NAV2: variants seen among roughly 807,000 people sequenced by gnomAD.
NAV2 encodes the protein neuron navigator 2.
A neutral mutation model predicts 223.2 loss-of-function variants in NAV2; 54 were observed. The observed-to-expected ratio is 0.24, with a 90% CI of 0.19 to 0.30. The LOEUF is 0.30. Among genes scored for constraint, NAV2 ranks in the 10% least tolerant of loss-of-function variants. The pLI is 1.00. For missense variants in NAV2, 2,806 were observed against 3,147.5 expected, an observed-to-expected ratio of 0.89 and a Z score of 2.60; for synonymous variants, 1,279 against 1,239.3, an observed-to-expected ratio of 1.03 and a Z score of -0.67.
intron 7 of NAV2, 63 bp from the exon 8 acceptor site, chr11:19,939,598 A>C: frequency 7.6e-7 from 1 of 1,312,650 alleles, no homozygotes; most frequent in Admixed American, 1.7e-5. Flanking sequence ...GTTAGACCAC[A>C]GTGGTCCAGA....
At chr11:19,474,666 G>A (rs550882452) in intron 1 of NAV2, among the ~76,000 whole-genome samples, 1 of 152,134 alleles carries the variant, frequency 6.6e-6, no homozygotes, top group East Asian at 1.9e-4. Context: ...ATATATTCAT[G>A]GATTATTTGC....
At chr11:19,396,774 G>A (rs1022086238) in intron 1 of NAV2, among the ~76,000 whole-genome samples, 3 of 152,192 alleles carry the variant, frequency 2.0e-5, no homozygotes, top group Non-Finnish European at 4.4e-5. Context: ...AGTGGATACT[G>A]TGGAATTTGA....
At chr11:19,744,219 T>A (rs977552494) in intron 1 of NAV2, among the ~76,000 whole-genome samples, 1 of 152,072 alleles carries the variant, frequency 6.6e-6, no homozygotes, top group Admixed American at 6.6e-5. Flanking sequence ...AGTTTAAGAG[T>A]GAAAGACTTT....
intron 1 of NAV2, among the ~76,000 whole-genome samples, chr11:19,532,875 C>A (rs779571510): frequency 2.7e-4 from 41 of 152,124 alleles, no homozygotes; most frequent in Non-Finnish European, 3.7e-4. Flanking sequence ...AGTGTTCCTG[C>A]AAAAAGGTCA....
chr11:19,773,551 T>G (rs2055888055), intron 1 of NAV2, among the ~76,000 whole-genome samples: 1 of 152,138 alleles, frequency 6.6e-6, no homozygotes, highest in Non-Finnish European at 1.5e-5. Context: ...CATTGTTCCA[T>G]GTGGTCAACA....
At position 20,048,794 on chromosome 11, in the gene NAV2, G is replaced by T. The variant is rs1235021385; in HGVS notation, c.3969G>T (p.Val1323=). Residue 1323 remains valine (V), a synonymous_variant, in exon 15 of 38, where the codon GTG becomes GTT. Coordinates refer to ENST00000349880, the MANE Select transcript of NAV2 (RefSeq NM_145117.5). ...IATAENMKNS[V]VISNPHATMT... ...CAGCTGAAAACATGAAAAATTCGGTGGTCATCTCCAATCCTCATGCCACCA... is the reference window on the plus strand; with the variant it reads ...CAGCTGAAAACATGAAAAATTCGGTTGTCATCTCCAATCCTCATGCCACCA... The T allele has an allele frequency of 2.4e-5, 38 of 1,614,062 alleles. No individual in the cohort carries two copies. Among genetic ancestry groups the T allele is most frequent in the Non-Finnish European group, 3.1e-5 (36 of 1,180,002 alleles).
At chr11:19,953,698 ACTG>A (rs1235296999) in intron 10 of NAV2, among the ~76,000 whole-genome samples, 1 of 152,222 alleles carries the variant, frequency 6.6e-6, no homozygotes, top group Admixed American at 6.5e-5. Flanking sequence ...ACTGGATGGT[ACTG>A]AGGAAAGAGT....
intron 1 of NAV2, among the ~76,000 whole-genome samples, chr11:19,643,097 T>C (rs944320499): frequency 3.3e-5 from 5 of 152,200 alleles, no homozygotes; most frequent in African/African-American, 1.2e-4. Context: ...ACTATGGTTT[T>C]GAGGTGTTGA....
chr11:19,521,198 G>T (rs1054834285), intron 1 of NAV2, among the ~76,000 whole-genome samples: 2 of 152,150 alleles, frequency 1.3e-5, no homozygotes, highest in African/African-American at 2.4e-5. Flanking sequence ...GGTGGCCAGT[G>T]GTTGCCACTG....
chr11:19,596,044 T>A (rs945254377), intron 1 of NAV2, among the ~76,000 whole-genome samples: 6 of 152,242 alleles, frequency 3.9e-5, no homozygotes, highest in Admixed American at 6.5e-5. Flanking sequence ...CACGTTATTT[T>A]AAAAATGGTA....
At chr11:19,741,484 T>G (rs958442672) in intron 1 of NAV2, among the ~76,000 whole-genome samples, 4 of 105,634 alleles carry the variant, frequency 3.8e-5, no homozygotes, top group East Asian at 2.5e-4. Context: ...AGCCTGGCTT[T>G]CTTTCTTTCT....
At chr11:19,393,909 T>TTTC (rs1281530031) in intron 1 of NAV2, among the ~76,000 whole-genome samples, 2 of 149,870 alleles carry the variant, frequency 1.3e-5, no homozygotes, top group African/African-American at 5.0e-5. Context: ...TTTTTTTCTT[T>TTTC]TTTTTTTTTT....
chr11:19,354,485 A>G (rs1364190699), intron 1 of NAV2, among the ~76,000 whole-genome samples: 3 of 152,248 alleles, frequency 2.0e-5, no homozygotes, highest in African/African-American at 7.2e-5. Flanking sequence ...CTACACCATC[A>G]ATTTCCAGAC....
chr11:19,732,778 C>CTG (rs1236664507), intron 1 of NAV2, among the ~76,000 whole-genome samples: 1 of 152,208 alleles, frequency 6.6e-6, no homozygotes. Flanking sequence ...CTCAGCATGC[C>CTG]TGTGTGTGCC....
chr11:19,780,345 A>G (rs1279512079), intron 1 of NAV2, among the ~76,000 whole-genome samples: 1 of 152,070 alleles, frequency 6.6e-6, no homozygotes, highest in African/African-American at 2.4e-5. Flanking sequence ...GGTGGTTCTG[A>G]CATTCTTACC....
chr11:20,068,125 G>A (rs1395571559), intron 20 of NAV2, 61 bp from the exon 21 acceptor site: 18 of 1,448,630 alleles, frequency 1.2e-5, no homozygotes, highest in Non-Finnish European at 1.7e-5. Context: ...TTCCCGATGG[G>A]CTGGACTACA....
chr11:19,783,289 C>T (rs956543701), intron 1 of NAV2, among the ~76,000 whole-genome samples: 1 of 152,218 alleles, frequency 6.6e-6, no homozygotes, highest in African/African-American at 2.4e-5. Flanking sequence ...TGAAGTCCAA[C>T]TCCTTTGTGG....
chr11:19,462,690 C>G (rs78357430), intron 1 of NAV2, among the ~76,000 whole-genome samples: 7,819 of 152,282 alleles, frequency 0.051, 277 homozygotes, highest in Non-Finnish European at 0.079. Flanking sequence ...GTAGTGATGA[C>G]CAGGTTTGAG....
chr11:19,573,570 C>T (rs117113398), intron 1 of NAV2, among the ~76,000 whole-genome samples: 58 of 152,252 alleles, frequency 3.8e-4, no homozygotes, highest in East Asian at 3.7e-3. Context: ...CTGTGCCAGC[C>T]GCGGGCAGTG....
Sources: allele counts gnomAD v4.1 joint callset (sites outside exome capture counted in the v4.1 genomes callset), GRCh38; gene constraint gnomAD v4.1.1; transcripts MANE v1.5; gene names NCBI Gene and HGNC (gene_info 2026-07-23, HGNC 2026-07-21).